PHF2: variants seen among roughly 807,000 people sequenced by gnomAD.
The protein encoded by PHF2 is PHD finger protein 2.
In PHF2, 27 loss-of-function variants were observed where a neutral mutation model predicts 120.5. The ratio of observed to expected loss-of-function variants is 0.22; its 90% confidence interval spans 0.17 to 0.31. The LOEUF is 0.31. Ranked by LOEUF, PHF2 falls within the 10% of genes least tolerant of loss-of-function variation. The pLI, the probability that PHF2 is intolerant of heterozygous loss-of-function variation, is 1.00. For synonymous variants in PHF2, 568 were observed against 592.5 expected (o/e 0.96, Z 0.60); for missense variants, 1,024 against 1,434.8 (o/e 0.71, Z 4.63).
At chr9:93,599,596 G>A (rs1349477442) in intron 1 of PHF2, among the ~76,000 whole-genome samples, 3 of 152,226 alleles carry the variant, frequency 2.0e-5, no homozygotes, top group Admixed American at 6.5e-5. Flanking sequence ...AACAAATGCC[G>A]GTGAAGCAGC....
At chr9:93,600,188 A>G (rs1213642714) in intron 1 of PHF2, among the ~76,000 whole-genome samples, 2 of 150,554 alleles carry the variant, frequency 1.3e-5, no homozygotes, top group Non-Finnish European at 3.0e-5. Flanking sequence ...TGTCTGTAGC[A>G]TATGTGCATG....
chr9:93,580,372 T>C (rs914099066), intron 1 of PHF2, among the ~76,000 whole-genome samples: 14 of 152,220 alleles, frequency 9.2e-5, no homozygotes, highest in Non-Finnish European at 1.5e-4. Context: ...GCACCGGCAC[T>C]GAGGAGGACC....
At chr9:93,666,502 C>T (rs913665164) in intron 16 of PHF2, among the ~76,000 whole-genome samples, 4 of 152,224 alleles carry the variant, frequency 2.6e-5, no homozygotes, top group South Asian at 4.1e-4. Flanking sequence ...ACAGTTTGGT[C>T]CTTTGTGGTT....
intron 20 of PHF2, 94 bp from the exon 21 acceptor site, chr9:93,676,500 C>A: frequency 6.8e-7 from 1 of 1,465,106 alleles, no homozygotes; most frequent in South Asian, 1.3e-5. Flanking sequence ...CTGCTGTGCT[C>A]AAGGGCCCCT....
intron 1 of PHF2, among the ~76,000 whole-genome samples, chr9:93,604,568 C>A (rs966921981): frequency 2.6e-4 from 40 of 151,734 alleles, no homozygotes; most frequent in African/African-American, 8.2e-4. Flanking sequence ...GGGTTCACGC[C>A]ATTCTCCTGC....
chr9:93,592,453 A>G (rs1189337032), intron 1 of PHF2, among the ~76,000 whole-genome samples: 1 of 152,130 alleles, frequency 6.6e-6, no homozygotes, highest in East Asian at 1.9e-4. Flanking sequence ...AAGTTCCCCT[A>G]GCAACACTTG....
chr9:93,577,709 G>A (rs1016879968), intron 1 of PHF2, among the ~76,000 whole-genome samples: 4 of 152,190 alleles, frequency 2.6e-5, no homozygotes, highest in African/African-American at 9.6e-5. Flanking sequence ...AAGATGGGGA[G>A]GGGGGAAGGA....
chr9:93,650,800 C>G (rs763180524), intron 5 of PHF2, among the ~76,000 whole-genome samples: 1 of 152,222 alleles, frequency 6.6e-6, no homozygotes, highest in Non-Finnish European at 1.5e-5. Flanking sequence ...CACTCACTCA[C>G]CGTAAGGCGC....
intron 1 of PHF2, among the ~76,000 whole-genome samples, chr9:93,600,255 G>A (rs1365084284): frequency 6.6e-6 from 1 of 152,076 alleles, no homozygotes; most frequent in African/African-American, 2.4e-5. Flanking sequence ...GTGTCTGTGT[G>A]TGTGTGTGTC....
At chr9:93,645,817 T>C in intron 4 of PHF2, 28 bp downstream of exon 4, 1 of 1,543,516 alleles carries the variant, frequency 6.5e-7, no homozygotes, top group Non-Finnish European at 8.8e-7. Flanking sequence ...CACAGTGCTC[T>C]GGGGCTGGAG....
chr9:93,676,755 G>A lies in PHF2; in HGVS notation c.2994G>A (p.Thr998=), dbSNP rs376082480. The change falls in exon 21 of 22, where the codon ACG becomes ACA. Residue 998 remains threonine, a synonymous_variant. Transcript: ENST00000359246. ...PASTTPASTS[T]ASSQASQEGS... Reference sequence around the variant, plus strand: ...CCACCACCCCGGCCTCCACCAGCACGGCCAGCAGCCAGGCCTCGCAGGAGG... The same window carrying A: ...CCACCACCCCGGCCTCCACCAGCACAGCCAGCAGCCAGGCCTCGCAGGAGG... 21 of 1,553,266 alleles carry A rather than the reference G, an allele frequency of 1.4e-5. No homozygotes were observed. The highest frequency in any genetic ancestry group is 4.1e-5 in the African/African-American group (3 of 73,124).
intron 4 of PHF2, among the ~76,000 whole-genome samples, chr9:93,647,872 G>T (rs867019827): frequency 2.7e-5 from 4 of 147,678 alleles, no homozygotes; most frequent in Middle Eastern, 3.4e-3. Context: ...CTGGGCAAAA[G>T]AATGAGATTT....
chr9:93,623,524 C>T (rs1460673605), intron 1 of PHF2, among the ~76,000 whole-genome samples: 1 of 152,178 alleles, frequency 6.6e-6, no homozygotes, highest in Admixed American at 6.5e-5. Context: ...TGGGCAGACA[C>T]CCTTATAAAC....
chr9:93,580,706 T>C (rs1325359304), intron 1 of PHF2, among the ~76,000 whole-genome samples: 1 of 152,228 alleles, frequency 6.6e-6, no homozygotes. Context: ...AATTGAAAGC[T>C]GTTCAGGTCA....
Position 93,677,450 on chromosome 9 carries a change from C to A in PHF2, c.3203-138C>A. 2 of 691,142 alleles carry A rather than the reference C, an allele frequency of 2.9e-6. No individual in the cohort carries two copies. The highest frequency in any genetic ancestry group is 2.6e-6 in the Non-Finnish European group (1 of 385,658). The allele number at this position is 691,142 out of a possible 1,614,324, so 42.8% of individuals were successfully genotyped here. A position where few individuals can be genotyped will look rare whatever the true frequency, so the allele number is the denominator to read the frequency against. ...AAGGGTGCTGAGCTCGGAGCTGGGGCTTCATAGGCCCATTTTACAGATGGG... is the reference window on the plus strand; with the variant it reads ...AAGGGTGCTGAGCTCGGAGCTGGGGATTCATAGGCCCATTTTACAGATGGG... On this transcript the variant is annotated intron_variant, in intron 21 of 21. Coordinates refer to ENST00000359246, the MANE Select transcript of PHF2 (RefSeq NM_005392.4). This position sits in a 1 kb window ranked among gnomAD's most constrained non-coding sequence, Gnocchi z 4.4.
At chr9:93,650,091 GAC>G (rs1490382237) in intron 5 of PHF2, among the ~76,000 whole-genome samples, 1 of 150,204 alleles carries the variant, frequency 6.7e-6, no homozygotes, top group African/African-American at 2.5e-5. Context: ...CACATTCATA[GAC>G]ACGACACACT....
intron 1 of PHF2, among the ~76,000 whole-genome samples, chr9:93,622,285 G>A (rs1825838788): frequency 6.6e-6 from 1 of 152,244 alleles, no homozygotes; most frequent in African/African-American, 2.4e-5. Flanking sequence ...CACCGAGCCT[G>A]AGGTCACCCT....
intron 17 of PHF2, chr9:93,670,897 G>T: frequency 5.9e-6 from 4 of 679,146 alleles, no homozygotes; most frequent in Non-Finnish European, 7.3e-6. Flanking sequence ...GGGCAGCGGG[G>T]GTGCAGACAG....
At chr9:93,625,073 A>G (rs1416930734) in intron 1 of PHF2, among the ~76,000 whole-genome samples, 1 of 152,252 alleles carries the variant, frequency 6.6e-6, no homozygotes, top group Non-Finnish European at 1.5e-5. Flanking sequence ...ATCTAGCTTC[A>G]AAATATTTTA....
Sources: gnomAD v4.1 joint callset for allele counts (sites outside exome capture counted in the v4.1 genomes callset) on GRCh38, gnomAD v4.1.1 for gene constraint, Gnocchi (gnomAD v3.1) non-coding constraint, MANE v1.5 for transcripts, NCBI Gene and HGNC (gene_info 2026-07-23, HGNC 2026-07-21) for gene names.